SLC13A3: variants seen among roughly 807,000 people sequenced by gnomAD.
SLC13A3 encodes the protein Na(+)/dicarboxylate cotransporter 3.
Under a neutral mutation model 59.0 loss-of-function variants are expected in SLC13A3, and 40 were observed. The observed-to-expected ratio is 0.68, with a 90% CI of 0.53 to 0.88. The LOEUF (loss-of-function observed/expected upper bound fraction) is 0.88, where lower values mean the gene tolerates loss of function less well. SLC13A3 is among the 40% of genes least tolerant of loss of function. The probability of loss-of-function intolerance (pLI) is 0.00; values close to 1 mark genes in which losing one functional copy is unlikely to be tolerated. For missense variants in SLC13A3, 699 were observed against 783.2 expected (o/e 0.89, Z 1.28); for synonymous variants, 317 against 330.3 (o/e 0.96, Z 0.44).
intron 8 of SLC13A3, among the ~76,000 whole-genome samples, chr20:46,586,676 G>A (rs1333881442): frequency 2.0e-5 from 3 of 152,098 alleles, no homozygotes; most frequent in Admixed American, 6.6e-5. Context: ...CATCCATGCA[G>A]GTACTCCTTT....
In SLC13A3 at chr20:46,633,850, C is replaced by A. The variant is rs2062768860; in HGVS notation, c.111+17461G>T. Among the ~76,000 whole-genome samples the A allele has an allele frequency of 3.3e-5, 5 of 152,252 alleles. No individual in the cohort carries two copies. In the South Asian group the frequency reaches 1.0e-3, roughly 31 times the overall value. On this transcript the variant is annotated intron_variant, in intron 1 of 12. Transcript: ENST00000279027. ...ATTGAGGGCTTACTATGCTTAGGCA[C>A]CAAGCCATGCTTTTTGGGGTGCATT...
chr20:46,683,838 G>A (rs949941374), intron 1 of SLC13A3, among the ~76,000 whole-genome samples: 1 of 152,120 alleles, frequency 6.6e-6, no homozygotes, highest in South Asian at 2.1e-4. Context: ...GAGCATGCTC[G>A]CCACAGCTTC....
intron 6 of SLC13A3, among the ~76,000 whole-genome samples, chr20:46,590,246 A>G (rs1387240367): frequency 6.6e-6 from 1 of 152,170 alleles, no homozygotes; most frequent in Non-Finnish European, 1.5e-5. Context: ...AAGAAAACAT[A>G]TGATTATTCT....
At chr20:46,610,320 C>T (rs1420049872) in intron 3 of SLC13A3, 126 bp downstream of exon 3, 3 of 866,666 alleles carry the variant, frequency 3.5e-6, no homozygotes, top group Admixed American at 5.0e-5. Flanking sequence ...ATAACTAAAA[C>T]ACCTGACGCA....
chr20:46,578,041 G>A (rs906076027), intron 9 of SLC13A3, among the ~76,000 whole-genome samples: 2 of 151,448 alleles, frequency 1.3e-5, no homozygotes, highest in African/African-American at 4.9e-5. Context: ...CGTCTCTGTC[G>A]CCCAGGCTGG....
chr20:46,569,467 T>C (rs1212107693), intron 10 of SLC13A3, among the ~76,000 whole-genome samples: 1 of 152,224 alleles, frequency 6.6e-6, no homozygotes, highest in Non-Finnish European at 1.5e-5. Flanking sequence ...TAATCTTTTC[T>C]AGCTGTCACT....
intron 11 of SLC13A3, among the ~76,000 whole-genome samples, chr20:46,564,408 AT>A (rs1480750030): frequency 6.6e-6 from 1 of 152,196 alleles, no homozygotes; most frequent in Non-Finnish European, 1.5e-5. Flanking sequence ...CCCAAAGCAT[AT>A]TTATTTTCTC....
chr20:46,563,628 G>GAT, intron 11 of SLC13A3, 77 bp from the exon 12 acceptor site: 1 of 1,488,120 alleles, frequency 6.7e-7, no homozygotes. Flanking sequence ...GAGAGAGAGA[G>GAT]AGAGGCAGTT....
intron 3 of SLC13A3, among the ~76,000 whole-genome samples, chr20:46,600,389 GGAAA>G (rs139896803): frequency 0.13 from 18,940 of 144,962 alleles, 1,385 homozygotes; most frequent in East Asian, 0.32. Flanking sequence ...GGAAAGGGAG[GGAAA>G]GAAAGAAAGA....
chr20:46,599,664 T>A (rs148683312), intron 4 of SLC13A3, among the ~76,000 whole-genome samples: 4 of 152,242 alleles, frequency 2.6e-5, no homozygotes. Flanking sequence ...TTGACTGTCA[T>A]GCAGTTTGTG....
intron 1 of SLC13A3, among the ~76,000 whole-genome samples, chr20:46,633,289 C>T (rs2062762731): frequency 6.6e-6 from 1 of 152,152 alleles, no homozygotes; most frequent in South Asian, 2.1e-4. Flanking sequence ...AGCACATTGG[C>T]ATGAGACCTC....
upstream of SLC13A3, among the ~76,000 whole-genome samples, chr20:46,653,662 T>C (rs2062966659): frequency 6.6e-6 from 1 of 152,198 alleles, no homozygotes; most frequent in Admixed American, 6.5e-5. Context: ...GCTTTCTGTC[T>C]CTATAAATTT....
intron 1 of SLC13A3, among the ~76,000 whole-genome samples, chr20:46,662,216 G>T (rs2063034802): frequency 6.6e-6 from 1 of 152,106 alleles, no homozygotes; most frequent in Non-Finnish European, 1.5e-5. Flanking sequence ...AGCTTTCCAT[G>T]AAGTTTTTAA....
chr20:46,588,264 G>A (rs1227317248), intron 7 of SLC13A3, 101 bp from the exon 8 acceptor site: 2 of 656,260 alleles, frequency 3.0e-6, no homozygotes, highest in East Asian at 5.6e-5. Context: ...ACTGGGCCCG[G>A]GCTCTGCCTC....
At chr20:46,613,267 C>G (rs555222237) in intron 2 of SLC13A3, among the ~76,000 whole-genome samples, 193 bp downstream of exon 2, 1 of 151,260 alleles carries the variant, frequency 6.6e-6, no homozygotes, top group Admixed American at 6.6e-5. Flanking sequence ...AGTGCTGTGT[C>G]TAGCATGCAG....
At chr20:46,619,826 T>C (rs1288749920) in intron 1 of SLC13A3, among the ~76,000 whole-genome samples, 1 of 152,218 alleles carries the variant, frequency 6.6e-6, no homozygotes, top group Non-Finnish European at 1.5e-5. Flanking sequence ...CCAATATCTA[T>C]GCTCTCACAG....
At position 46,559,454 on chromosome 20, in the gene SLC13A3, G is replaced by C. The variant is rs919592933; in HGVS notation, c.*568C>G. 1 of 152,340 alleles carries C rather than the reference G, an allele frequency of 6.6e-6. No homozygotes were observed. Among genetic ancestry groups the C allele is most frequent in the Admixed American group, 6.5e-5 (1 of 15,296 alleles). 9.4% of individuals were successfully genotyped at this position (152,340 alleles called of 1,614,324 possible). A position where few individuals can be genotyped will look rare whatever the true frequency, so the allele number is the denominator to read the frequency against. On this transcript the variant is annotated 3_prime_UTR_variant, in exon 13 of 13. Transcript: ENST00000279027. ...TATCTGTCCCTTTCCCTGTCTCCAA[G>C]GATTAAAAAAGAATCTCTGACTGCT... is the stretch of plus-strand genomic sequence containing the variant.
At chr20:46,663,685 C>A (rs917821108) in intron 1 of SLC13A3, among the ~76,000 whole-genome samples, 1 of 152,058 alleles carries the variant, frequency 6.6e-6, no homozygotes, top group Non-Finnish European at 1.5e-5. Context: ...GAAATAGGTT[C>A]TATTATATTC....
At chr20:46,587,239 ATTTACC>A (rs752084748) in intron 8 of SLC13A3, among the ~76,000 whole-genome samples, 3 of 152,164 alleles carry the variant, frequency 2.0e-5, no homozygotes, top group Non-Finnish European at 4.4e-5. Context: ...GTATTAACTC[ATTTACC>A]TTTACAACAA....
Sources: gnomAD v4.1 joint callset for allele counts (sites outside exome capture counted in the v4.1 genomes callset) on GRCh38, gnomAD v4.1.1 for gene constraint, MANE v1.5 for transcripts, NCBI Gene and HGNC (gene_info 2026-07-23, HGNC 2026-07-21) for gene names.